The following ST3GAL2 variants were observed in gnomAD, a reference collection of about 807,000 sequenced individuals.
The protein encoded by ST3GAL2 is CMP-N-acetylneuraminate-beta-galactosamide-alpha-2,3-sialyltransferase 2.
In ST3GAL2, 16 loss-of-function variants were observed where a neutral mutation model predicts 37.5. The ratio of observed to expected loss-of-function variants is 0.43; its 90% CI spans 0.29 to 0.65. The LOEUF is 0.65. Among genes scored for constraint, ST3GAL2 ranks in the 30% least tolerant of loss-of-function variants. The pLI, the probability that ST3GAL2 is intolerant of heterozygous loss-of-function variation, is 0.17. For synonymous variants in ST3GAL2, 238 were observed against 202.9 expected, an observed-to-expected ratio of 1.17 and a Z score of -1.47; for missense variants, 383 against 487.8, an observed-to-expected ratio of 0.79 and a Z score of 2.02.
chr16:70,377,864 G>A lies in ST3GAL2; in HGVS notation c.*3825C>T, dbSNP rs2047361478. 2 of 152,042 alleles carry A rather than the reference G, an allele frequency of 1.3e-5. No homozygotes were observed. The highest frequency in any genetic ancestry group is 2.9e-5 in the Non-Finnish European group (2 of 68,014). The allele number at this position is 152,042 out of a possible 1,614,324, so 9.4% of individuals were successfully genotyped here. ...AAGCAACCAGGAGTGAAACACACCT[G>A]TGGAGGCAGGGAACTCAGGAAATCA... On this transcript the variant is annotated 3_prime_UTR_variant, in exon 7 of 7. Coordinates refer to ENST00000342907, the MANE Select transcript of ST3GAL2 (RefSeq NM_006927.4).
chr16:70,415,520 G>A (rs899041760), intron 1 of ST3GAL2, among the ~76,000 whole-genome samples: 2 of 148,250 alleles, frequency 1.3e-5, no homozygotes, highest in African/African-American at 2.7e-5. Context: ...CAACCCCAGG[G>A]TGTTTCTCTC....
chr16:70,437,177 C>T (rs951266874), intron 1 of ST3GAL2, among the ~76,000 whole-genome samples: 1 of 152,202 alleles, frequency 6.6e-6, no homozygotes, highest in Non-Finnish European at 1.5e-5. Flanking sequence ...CACAACAATG[C>T]GCTCCCAGGC....
intron 1 of ST3GAL2, among the ~76,000 whole-genome samples, chr16:70,427,148 C>T (rs530358118): frequency 3.3e-5 from 5 of 152,234 alleles, no homozygotes; most frequent in South Asian, 2.1e-4. Flanking sequence ...CATACCTGAG[C>T]ATCTCTGGCT....
At chr16:70,422,969 C>T (rs965134253) in intron 1 of ST3GAL2, 2 of 152,248 alleles carry the variant, frequency 1.3e-5, no homozygotes, top group Admixed American at 6.5e-5. Context: ...CTGTCCTGGG[C>T]ATTCTCTTCC....
intron 3 of ST3GAL2, among the ~76,000 whole-genome samples, chr16:70,394,030 G>A (rs140343849): frequency 1.3e-5 from 2 of 152,232 alleles, no homozygotes; most frequent in African/African-American, 4.8e-5. Flanking sequence ...AAGTCAAGGG[G>A]GGATGTCAGA....
intron 4 of ST3GAL2, 82 bp from the exon 5 acceptor site, chr16:70,383,317 G>A (rs2047419201): frequency 7.3e-7 from 1 of 1,371,866 alleles, no homozygotes; most frequent in Non-Finnish European, 9.8e-7. Context: ...TTGGGAGGCT[G>A]AGGCAGGTGG....
chr16:70,409,017 G>A (rs1431004809), intron 1 of ST3GAL2, among the ~76,000 whole-genome samples: 2 of 150,222 alleles, frequency 1.3e-5, no homozygotes, highest in African/African-American at 4.9e-5. Flanking sequence ...TGGGGTGAAG[G>A]GTCCCTTCAG....
chr16:70,432,660 G>C (rs1465959507), intron 1 of ST3GAL2, among the ~76,000 whole-genome samples: 1 of 152,208 alleles, frequency 6.6e-6, no homozygotes, highest in East Asian at 1.9e-4. Context: ...GCAAAGTTCA[G>C]ACCCCCCTTC....
chr16:70,422,630 C>G (rs2047723028), intron 1 of ST3GAL2, among the ~76,000 whole-genome samples: 1 of 152,144 alleles, frequency 6.6e-6, no homozygotes, highest in South Asian at 2.1e-4. Context: ...TGCCCCAAAG[C>G]TCCCAGGCAC....
At chr16:70,404,279 C>A (rs896303094) in intron 1 of ST3GAL2, among the ~76,000 whole-genome samples, 3 of 152,080 alleles carry the variant, frequency 2.0e-5, no homozygotes, top group African/African-American at 7.2e-5. Context: ...AGCCCTGCAT[C>A]TGGGAAGCCA....
In ST3GAL2 at chr16:70,399,149, T is replaced by C. The variant is rs2047538228; in HGVS notation, c.-619A>G. The C allele has an allele frequency of 7.5e-6, 3 of 399,596 alleles. No homozygotes were observed. Among genetic ancestry groups the C allele is most frequent in the Admixed American group, 8.7e-5 (2 of 22,868 alleles). The allele number at this position is 399,596 out of a possible 1,614,324, so 24.8% of individuals were successfully genotyped here. The stretch of plus-strand genomic sequence containing the variant: ...ACAAAAACAGGAAGCTCTGTGAGTG[T>C]GGGAAAACTCCGCTGCAGAGATCGA... On this transcript the variant is annotated 5_prime_UTR_variant, in exon 2 of 7. Transcript: ENST00000342907.
chr16:70,432,818 GA>G (rs2047800209), intron 1 of ST3GAL2, among the ~76,000 whole-genome samples: 1 of 152,232 alleles, frequency 6.6e-6, no homozygotes, highest in Non-Finnish European at 1.5e-5. Flanking sequence ...GTGTGGGACG[GA>G]AGCTGGGACA....
intron 1 of ST3GAL2, among the ~76,000 whole-genome samples, chr16:70,425,764 T>C (rs1304260880): frequency 6.6e-6 from 1 of 151,602 alleles, no homozygotes; most frequent in Non-Finnish European, 1.5e-5. Flanking sequence ...GCAGAAGGGC[T>C]GCCCTGAACC....
intron 1 of ST3GAL2, among the ~76,000 whole-genome samples, chr16:70,404,446 G>A (rs1360654345): frequency 6.6e-6 from 1 of 152,118 alleles, no homozygotes; most frequent in Non-Finnish European, 1.5e-5. Context: ...AGGAAAAGAT[G>A]CTCAACGTCA....
chr16:70,432,002 C>G (rs1341948339), intron 1 of ST3GAL2, among the ~76,000 whole-genome samples: 4 of 140,514 alleles, frequency 2.8e-5, no homozygotes, highest in Admixed American at 1.4e-4. Context: ...TTTAACTTAG[C>G]TGGGCACAAA....
chr16:70,396,315 A>C (rs76786946), intron 2 of ST3GAL2, among the ~76,000 whole-genome samples: 7 of 148,270 alleles, frequency 4.7e-5, no homozygotes, highest in African/African-American at 1.0e-4. Context: ...AAAAAAAAAA[A>C]CCCACATAAA....
chr16:70,394,880 C>G, intron 3 of ST3GAL2, 102 bp downstream of exon 3: 1 of 1,360,438 alleles, frequency 7.4e-7, no homozygotes, highest in South Asian at 1.3e-5. Flanking sequence ...CCACAGCACA[C>G]CGGTAGCTGG....
At chr16:70,388,972 G>A (rs2047462152) in intron 3 of ST3GAL2, among the ~76,000 whole-genome samples, 2 of 148,800 alleles carry the variant, frequency 1.3e-5, no homozygotes, top group Admixed American at 1.3e-4. Flanking sequence ...CAACCTGGGA[G>A]ACTGAGGCAG....
chr16:70,410,775 T>TAAA (rs541984127), intron 1 of ST3GAL2, among the ~76,000 whole-genome samples: 15 of 143,008 alleles, frequency 1.0e-4, no homozygotes, highest in South Asian at 6.6e-4. Flanking sequence ...AGTTTTCTCT[T>TAAA]AAAAAAAAAA....
Sources: gnomAD v4.1 joint callset for allele counts (sites outside exome capture counted in the v4.1 genomes callset) on GRCh38, gnomAD v4.1.1 for gene constraint, MANE v1.5 for transcripts, NCBI Gene and HGNC (gene_info 2026-07-23, HGNC 2026-07-21) for gene names.